Variants in TBL1XR1 observed in about 807,000 individuals in gnomAD.
TBL1XR1 encodes TBL1X/Y related 1.
TBL1XR1 carries 5 observed loss-of-function variants against 66.9 expected under a neutral mutation model. The observed-to-expected ratio is 0.07, with a 90% CI of 0.04 to 0.16. TBL1XR1 has a LOEUF of 0.16. Ranked by LOEUF, TBL1XR1 falls within the 10% of genes least tolerant of loss-of-function variation. TBL1XR1 has a pLI of 1.00. For missense variants in TBL1XR1, 238 were observed against 623.2 expected (o/e 0.38, Z 6.58); for synonymous variants, 210 against 206.0 (o/e 1.02, Z -0.17).
intron 1 of TBL1XR1, among the ~76,000 whole-genome samples, chr3:177,124,876 T>G (rs975356714): frequency 1.3e-5 from 2 of 151,892 alleles, no homozygotes; most frequent in African/African-American, 4.8e-5. Context: ...AACAGCTAAA[T>G]GCAAAAGAAA....
At chr3:177,033,939 GA>G (rs1380631974) in intron 13 of TBL1XR1, among the ~76,000 whole-genome samples, 1 of 152,062 alleles carries the variant, frequency 6.6e-6, no homozygotes, top group African/African-American at 2.4e-5. Flanking sequence ...GGAGTGGGGA[GA>G]AGGCTGAGAA....
At chr3:177,151,624 CAAT>C (rs1730900887) in intron 1 of TBL1XR1, among the ~76,000 whole-genome samples, 1 of 152,174 alleles carries the variant, frequency 6.6e-6, no homozygotes, top group African/African-American at 2.4e-5. Flanking sequence ...CTGGTTTACA[CAAT>C]AAAATGAAAA....
intron 1 of TBL1XR1, among the ~76,000 whole-genome samples, chr3:177,189,516 G>A (rs868214007): frequency 1.8e-4 from 27 of 151,614 alleles, no homozygotes; most frequent in Admixed American, 4.6e-4. Context: ...TTAGCCAGGC[G>A]TGGTGGCCAG....
At chr3:177,162,910 T>C (rs1732394574) in intron 1 of TBL1XR1, among the ~76,000 whole-genome samples, 1 of 152,210 alleles carries the variant, frequency 6.6e-6, no homozygotes, top group Admixed American at 6.5e-5. Flanking sequence ...TAACACTATG[T>C]TGGCAAGAAC....
chr3:177,033,402 A>G (rs1023386471), intron 13 of TBL1XR1, among the ~76,000 whole-genome samples: 3 of 152,236 alleles, frequency 2.0e-5, no homozygotes, highest in Non-Finnish European at 2.9e-5. Context: ...GAATCTCCCA[A>G]GTCCAGGAGT....
At chr3:177,126,880 G>A (rs1191236551) in intron 1 of TBL1XR1, among the ~76,000 whole-genome samples, 1 of 150,624 alleles carries the variant, frequency 6.6e-6, no homozygotes, top group Non-Finnish European at 1.5e-5. Flanking sequence ...TCCTTTTCAA[G>A]TGACTGTACA....
In TBL1XR1 at chr3:177,131,080, A is replaced by G. The variant is rs777092229; in HGVS notation, c.-121-32539T>C. Among the ~76,000 whole-genome samples, 21 of 152,242 alleles carry G rather than the reference A, an allele frequency of 1.4e-4. No homozygotes were observed. The South Asian group carries it at 2.7e-3, about 19-fold the overall frequency. On this transcript the variant is annotated intron_variant, in intron 1 of 15. Coordinates refer to ENST00000457928, the MANE Select transcript of TBL1XR1 (RefSeq NM_024665.7). ...ACAGAAACTAGGTTTCAGAGAATAT[A>G]TTGAGAACTTCTTCAGCAAATCGGG... is the stretch of plus-strand genomic sequence containing the variant.
intron 1 of TBL1XR1, among the ~76,000 whole-genome samples, chr3:177,183,913 T>G (rs536334399): frequency 2.5e-4 from 38 of 152,048 alleles, no homozygotes; most frequent in African/African-American, 8.7e-4. Context: ...GACCAGCTCT[T>G]CACCACAGTA....
chr3:177,137,303 G>A (rs1475566455), intron 1 of TBL1XR1, among the ~76,000 whole-genome samples: 2 of 152,178 alleles, frequency 1.3e-5, no homozygotes, highest in Admixed American at 6.5e-5. Flanking sequence ...ACCAGCCTGG[G>A]CAACATGGCA....
chr3:177,105,529 G>A (rs761494662), intron 1 of TBL1XR1, among the ~76,000 whole-genome samples: 5 of 152,196 alleles, frequency 3.3e-5, no homozygotes, highest in Non-Finnish European at 7.3e-5. Flanking sequence ...CCTAAGGTTT[G>A]AATATCTGAT....
chr3:177,139,761 T>C (rs748804279), intron 1 of TBL1XR1, among the ~76,000 whole-genome samples: 9 of 151,538 alleles, frequency 5.9e-5, no homozygotes, highest in Non-Finnish European at 1.2e-4. Flanking sequence ...CAGAGAGAGA[T>C]GGAAGGGGCA....
At chr3:177,111,832 G>A (rs769309238) in intron 1 of TBL1XR1, among the ~76,000 whole-genome samples, 18 of 151,562 alleles carry the variant, frequency 1.2e-4, no homozygotes, top group Middle Eastern at 6.8e-3. Context: ...AAAGAGAAAC[G>A]GTTTAGGGAA....
At chr3:177,069,754 G>GGAAA in intron 2 of TBL1XR1, among the ~76,000 whole-genome samples, 1 of 125,146 alleles carries the variant, frequency 8.0e-6, no homozygotes, top group Admixed American at 9.7e-5. Flanking sequence ...AAGAAAGAAA[G>GGAAA]GAAAGGAAAG....
At chr3:177,162,971 G>A (rs369017686) in intron 1 of TBL1XR1, among the ~76,000 whole-genome samples, 1 of 152,210 alleles carries the variant, frequency 6.6e-6, no homozygotes, top group South Asian at 2.1e-4. Context: ...CAGCCTCTGT[G>A]AAGTCAGTCT....
intron 1 of TBL1XR1, among the ~76,000 whole-genome samples, chr3:177,109,115 G>A (rs1027053747): frequency 6.6e-6 from 1 of 151,664 alleles, no homozygotes; most frequent in East Asian, 1.9e-4. Context: ...AGATAAATAT[G>A]GGGAAAAAAC....
At chr3:177,139,407 C>T (rs991826092) in intron 1 of TBL1XR1, among the ~76,000 whole-genome samples, 2 of 151,984 alleles carry the variant, frequency 1.3e-5, no homozygotes, top group African/African-American at 4.8e-5. Context: ...TGCTGGCGCG[C>T]GCCTGTAGCT....
intron 7 of TBL1XR1, 52 bp from the exon 8 acceptor site, chr3:177,047,601 T>C: frequency 6.5e-7 from 1 of 1,545,702 alleles, no homozygotes; most frequent in South Asian, 1.1e-5. Flanking sequence ...CGGTATTTAA[T>C]TGTTGTTAAA....
At chr3:177,137,497 T>C (rs1729137385) in intron 1 of TBL1XR1, among the ~76,000 whole-genome samples, 1 of 152,058 alleles carries the variant, frequency 6.6e-6, no homozygotes, top group Non-Finnish European at 1.5e-5. Context: ...TGTCTCAAAA[T>C]AAATACATGA....
intron 1 of TBL1XR1, among the ~76,000 whole-genome samples, chr3:177,166,003 T>C (rs998608610): frequency 2.0e-5 from 3 of 152,042 alleles, no homozygotes; most frequent in Non-Finnish European, 2.9e-5. Context: ...GGTGGGAGGA[T>C]TGCTTGAGCC....
Sources: gnomAD v4.1 joint callset for allele counts (sites outside exome capture counted in the v4.1 genomes callset) on GRCh38, gnomAD v4.1.1 for gene constraint, MANE v1.5 for transcripts, NCBI Gene and HGNC (gene_info 2026-07-23, HGNC 2026-07-21) for gene names.